The following CCSER1 variants were observed in gnomAD, a reference collection of about 807,000 sequenced individuals.
CCSER1 encodes coiled-coil serine rich protein 1.
A neutral mutation model predicts 82.0 loss-of-function variants in CCSER1; 41 were observed. That is an observed-to-expected ratio of 0.50 (90% CI 0.39 to 0.65). CCSER1 has a LOEUF of 0.65. Ranked by LOEUF, CCSER1 falls within the 30% of genes least tolerant of loss-of-function variation. The pLI is 0.00. For synonymous variants in CCSER1, 414 were observed against 383.9 expected (o/e 1.08, Z -0.92); for missense variants, 1,119 against 1,064.2 (o/e 1.05, Z -0.72).
At chr4:91,301,407 C>A (rs145404922) in intron 10 of CCSER1, among the ~76,000 whole-genome samples, 165 of 151,560 alleles carry the variant, frequency 1.1e-3, no homozygotes, top group African/African-American at 3.9e-3. Flanking sequence ...GTCATATATT[C>A]CAAGTGGAAA....
At chr4:90,801,104 T>G (rs535746660) in intron 7 of CCSER1, among the ~76,000 whole-genome samples, 62 of 152,268 alleles carry the variant, frequency 4.1e-4, no homozygotes, top group African/African-American at 1.4e-3. Flanking sequence ...GACAAGAACA[T>G]AGTCTCATGG....
intron 6 of CCSER1, among the ~76,000 whole-genome samples, chr4:90,717,756 A>C (rs1412880239): frequency 6.8e-6 from 1 of 145,988 alleles, no homozygotes; most frequent in African/African-American, 2.5e-5. Flanking sequence ...ATATATATAT[A>C]CACACATATA....
At chr4:90,640,588 C>A (rs1377975108) in intron 6 of CCSER1, among the ~76,000 whole-genome samples, 1 of 152,108 alleles carries the variant, frequency 6.6e-6, no homozygotes, top group Non-Finnish European at 1.5e-5. Context: ...CCACCCAAAT[C>A]TCATCTTGAA....
intron 8 of CCSER1, among the ~76,000 whole-genome samples, chr4:90,829,804 TC>T (rs1203264047): frequency 6.6e-6 from 1 of 152,208 alleles, no homozygotes. Flanking sequence ...TTCCCGTAAT[TC>T]TTTCCTTAGG....
intron 6 of CCSER1, among the ~76,000 whole-genome samples, chr4:90,696,800 C>A (rs1560962963): frequency 1.3e-5 from 2 of 152,086 alleles, no homozygotes; most frequent in Non-Finnish European, 2.9e-5. Flanking sequence ...GCACAGAAAG[C>A]ATATATAACT....
chr4:90,532,339 C>T (rs1774635941), intron 5 of CCSER1, among the ~76,000 whole-genome samples: 1 of 152,118 alleles, frequency 6.6e-6, no homozygotes, highest in Admixed American at 6.5e-5. Context: ...GAAACACTCA[C>T]ATTTGCCATC....
At chr4:90,431,086 AC>A (rs1454232427) in intron 4 of CCSER1, among the ~76,000 whole-genome samples, 1 of 151,998 alleles carries the variant, frequency 6.6e-6, no homozygotes, top group Non-Finnish European at 1.5e-5. Context: ...TTAGATCCTC[AC>A]TTGGCCCAAA....
intron 1 of CCSER1, among the ~76,000 whole-genome samples, chr4:90,188,097 T>C (rs2153393304): frequency 6.6e-6 from 1 of 152,052 alleles, no homozygotes; most frequent in South Asian, 2.1e-4. Flanking sequence ...AAGAAACGTG[T>C]TTAAACAATT....
At chr4:90,474,538 C>T (rs893332700) in intron 5 of CCSER1, among the ~76,000 whole-genome samples, 10 of 152,162 alleles carry the variant, frequency 6.6e-5, no homozygotes, top group African/African-American at 2.4e-4. Context: ...TAGCAGTTCT[C>T]CCCAGCTCTA....
intron 10 of CCSER1, among the ~76,000 whole-genome samples, chr4:91,155,260 G>C (rs1271023892): frequency 6.6e-6 from 1 of 151,862 alleles, no homozygotes; most frequent in Admixed American, 6.5e-5. Flanking sequence ...TGCCCATGCT[G>C]TTCTTGTGAT....
At chr4:91,480,192 G>T (rs541659886) in intron 10 of CCSER1, among the ~76,000 whole-genome samples, 4 of 151,796 alleles carry the variant, frequency 2.6e-5, no homozygotes, top group African/African-American at 9.7e-5. Flanking sequence ...GAATAATGCC[G>T]CAATGAACAT....
At chr4:91,520,524 T>A (rs1366104802) in intron 10 of CCSER1, among the ~76,000 whole-genome samples, 5 of 152,200 alleles carry the variant, frequency 3.3e-5, no homozygotes, top group African/African-American at 1.2e-4. Flanking sequence ...TTTGCAATGA[T>A]CTTTTAACTT....
intron 5 of CCSER1, among the ~76,000 whole-genome samples, chr4:90,613,071 A>G (rs964993673): frequency 6.6e-6 from 1 of 152,314 alleles, no homozygotes; most frequent in East Asian, 1.9e-4. Context: ...GTACACAGGC[A>G]CTGGAAGAAC....
chr4:91,276,140 A>G (rs537158992), intron 10 of CCSER1, among the ~76,000 whole-genome samples: 1 of 151,778 alleles, frequency 6.6e-6, no homozygotes, highest in Non-Finnish European at 1.5e-5. Context: ...TGTCTATTCC[A>G]GCTCTTTTTT....
At chr4:90,734,222 T>C (rs1745274845) in intron 7 of CCSER1, among the ~76,000 whole-genome samples, 1 of 151,918 alleles carries the variant, frequency 6.6e-6, no homozygotes, top group African/African-American at 2.4e-5. Context: ...GCCTCCTGGG[T>C]TCTTGCCATT....
intron 10 of CCSER1, among the ~76,000 whole-genome samples, chr4:91,475,477 T>G (rs1757542269): frequency 6.6e-6 from 1 of 151,804 alleles, no homozygotes; most frequent in South Asian, 2.1e-4. Context: ...TACCTTATAT[T>G]CTAAAAGGGG....
At chr4:90,767,390 T>C (rs1277574912) in intron 7 of CCSER1, among the ~76,000 whole-genome samples, 1 of 152,154 alleles carries the variant, frequency 6.6e-6, no homozygotes, top group Non-Finnish European at 1.5e-5. Flanking sequence ...AATAATGCCA[T>C]TGGTTTAAAC....
At chr4:90,222,003 G>A (rs1742240166) in intron 1 of CCSER1, among the ~76,000 whole-genome samples, 1 of 152,076 alleles carries the variant, frequency 6.6e-6, no homozygotes, top group African/African-American at 2.4e-5. Context: ...TGACTCGCAT[G>A]TTTTCACTCT....
chr4:91,543,202 C>T (rs1258987793), intron 10 of CCSER1, among the ~76,000 whole-genome samples: 8 of 152,178 alleles, frequency 5.3e-5, no homozygotes, highest in Non-Finnish European at 8.8e-5. Flanking sequence ...TGTCTCTGCA[C>T]ATGAGATGGG....
Sources: gnomAD v4.1 joint callset for allele counts (sites outside exome capture counted in the v4.1 genomes callset) on GRCh38, gnomAD v4.1.1 for gene constraint, MANE v1.5 for transcripts, NCBI Gene and HGNC (gene_info 2026-07-23, HGNC 2026-07-21) for gene names.